NFIL3: variants seen among roughly 807,000 people sequenced by gnomAD.
NFIL3 encodes the protein nuclear factor interleukin-3-regulated protein.
NFIL3 carries 5 observed loss-of-function variants against 10.0 expected under a neutral mutation model. That is an observed-to-expected ratio of 0.50 (90% CI 0.26 to 1.06). The LOEUF (loss-of-function observed/expected upper bound fraction) is 1.06. Among genes scored for constraint, NFIL3 ranks in the 50% least tolerant of loss-of-function variants. The pLI is 0.13. For missense variants in NFIL3, 436 were observed against 547.6 expected, an observed-to-expected ratio of 0.80 and a Z score of 2.03; for synonymous variants, 202 against 206.5, an observed-to-expected ratio of 0.98 and a Z score of 0.19.
chr9:91,440,110 T>C, the NFIL3 span, among the ~76,000 whole-genome samples: 1 of 152,274 alleles, frequency 6.6e-6, no homozygotes, highest in South Asian at 2.1e-4. Flanking sequence ...TCTTTGAATG[T>C]TTGGTAGAAT....
upstream of NFIL3, among the ~76,000 whole-genome samples, chr9:91,425,248 C>T (rs998449862): frequency 2.6e-5 from 4 of 152,220 alleles, no homozygotes; most frequent in South Asian, 2.1e-4. Context: ...AGAGTGAACA[C>T]CCAGGTACCA....
At chr9:91,467,709 C>T in the NFIL3 span, among the ~76,000 whole-genome samples, 13 of 151,792 alleles carry the variant, frequency 8.6e-5, no homozygotes, top group Admixed American at 6.6e-4. Context: ...ACAACAGGCC[C>T]TGGTATGTGA....
At chr9:91,460,210 C>A in the NFIL3 span, among the ~76,000 whole-genome samples, 31 of 142,660 alleles carry the variant, frequency 2.2e-4, no homozygotes, top group Non-Finnish European at 1.3e-4. Context: ...GGGAGTGAGA[C>A]AGGGAAAAAA....
the NFIL3 span, among the ~76,000 whole-genome samples, chr9:91,432,368 C>A: frequency 6.6e-6 from 1 of 152,184 alleles, no homozygotes; most frequent in Non-Finnish European, 1.5e-5. Context: ...TTTCCTCCTA[C>A]TCTTGCAGTT....
At chr9:91,469,867 C>G in the NFIL3 span, among the ~76,000 whole-genome samples, 1 of 152,146 alleles carries the variant, frequency 6.6e-6, no homozygotes, top group South Asian at 2.1e-4. Flanking sequence ...AGCCTTGCAT[C>G]CCAGGGATGA....
At chr9:91,473,342 T>G in the NFIL3 span, among the ~76,000 whole-genome samples, 5 of 152,232 alleles carry the variant, frequency 3.3e-5, no homozygotes, top group Non-Finnish European at 7.3e-5. Flanking sequence ...CAGTCCTCGT[T>G]GAGCTGTGGT....
chr9:91,435,033 G>GC, the NFIL3 span, among the ~76,000 whole-genome samples: 6 of 152,220 alleles, frequency 3.9e-5, no homozygotes, highest in Admixed American at 2.0e-4. Context: ...ATGATTCCAG[G>GC]CACCCCTGTG....
the NFIL3 span, among the ~76,000 whole-genome samples, chr9:91,437,883 A>G: frequency 6.6e-6 from 1 of 152,220 alleles, no homozygotes; most frequent in Non-Finnish European, 1.5e-5. Flanking sequence ...ATATGTATGT[A>G]GCACAGTTTC....
In NFIL3 at chr9:91,410,459, C is replaced by T. The variant is rs551990947; in HGVS notation, c.276G>A (p.Glu92=). The T allele has an allele frequency of 6.2e-7, 1 of 1,614,252 alleles. No homozygotes were observed. The highest frequency in any genetic ancestry group is 1.3e-5 in the African/African-American group (1 of 75,068). Residue 92 remains glutamate, a synonymous_variant, in exon 2 of 2, where the codon GAG becomes GAA. Transcript: ENST00000297689. The surrounding 1 kb of genome is among the most constrained non-coding windows in gnomAD (Gnocchi z 5.7). ...KNNEAAKRSR[E]KRRLNDLVLE... ...AAACCAGGTCATTCAGTCGACGCTT[C>T]TCACGAGATCTTTTGGCAGCTTCAT...
the NFIL3 span, among the ~76,000 whole-genome samples, chr9:91,445,092 G>A: frequency 6.6e-6 from 1 of 152,162 alleles, no homozygotes; most frequent in African/African-American, 2.4e-5. Flanking sequence ...TAGCAGCTGA[G>A]GCCCATGGAG....
At chr9:91,421,200 G>C (rs1833757599) in intron 1 of NFIL3, among the ~76,000 whole-genome samples, 1 of 151,584 alleles carries the variant, frequency 6.6e-6, no homozygotes, top group Admixed American at 6.6e-5. Flanking sequence ...AGGCGCTCCG[G>C]GTCGCCCGCG....
At chr9:91,467,611 T>C in the NFIL3 span, among the ~76,000 whole-genome samples, 15,042 of 152,156 alleles carry the variant, frequency 0.099, 819 homozygotes, top group East Asian at 0.23. Flanking sequence ...TACGTATACA[T>C]GTGCCATGTT....
At chr9:91,449,858 G>C in the NFIL3 span, among the ~76,000 whole-genome samples, 1 of 151,994 alleles carries the variant, frequency 6.6e-6, no homozygotes, top group Non-Finnish European at 1.5e-5. Flanking sequence ...AGACATTTTT[G>C]ATTATTGAAT....
the NFIL3 span, among the ~76,000 whole-genome samples, chr9:91,444,732 G>T: frequency 6.6e-6 from 1 of 151,994 alleles, no homozygotes; most frequent in South Asian, 2.1e-4. Flanking sequence ...GTGCCTCAGT[G>T]GTCTAGGCTG....
the NFIL3 span, among the ~76,000 whole-genome samples, chr9:91,462,894 TTATC>T: frequency 6.6e-6 from 1 of 151,876 alleles, no homozygotes; most frequent in African/African-American, 2.4e-5. Flanking sequence ...AATATTCAGT[TTATC>T]TATTTTTTTG....
the NFIL3 span, among the ~76,000 whole-genome samples, chr9:91,462,371 C>T: frequency 6.6e-6 from 1 of 151,906 alleles, no homozygotes; most frequent in African/African-American, 2.4e-5. Context: ...TGAGAAAGTT[C>T]CCTCTATTTC....
chr9:91,460,005 T>C, the NFIL3 span, among the ~76,000 whole-genome samples: 1 of 152,014 alleles, frequency 6.6e-6, no homozygotes, highest in African/African-American at 2.4e-5. Context: ...GGTAGAGAGA[T>C]TGGGGTTTTA....
chr9:91,419,604 C>A (rs1833720213), intron 1 of NFIL3, among the ~76,000 whole-genome samples: 1 of 152,244 alleles, frequency 6.6e-6, no homozygotes, highest in Admixed American at 6.5e-5. Flanking sequence ...GGCTCTGCGA[C>A]CTGGGCTGCA....
chr9:91,428,388 G>A (rs889128643), upstream of NFIL3, among the ~76,000 whole-genome samples: 2 of 151,978 alleles, frequency 1.3e-5, no homozygotes, highest in Non-Finnish European at 2.9e-5. Context: ...CAACCTAGAC[G>A]TTATAGTTTT....
Sources: gnomAD v4.1 joint callset for allele counts (sites outside exome capture counted in the v4.1 genomes callset) on GRCh38, gnomAD v4.1.1 for gene constraint, Gnocchi (gnomAD v3.1) non-coding constraint, MANE v1.5 for transcripts, NCBI Gene and HGNC (gene_info 2026-07-23, HGNC 2026-07-21) for gene names.